CFAP47: variants seen among roughly 807,000 people sequenced by gnomAD.
The protein encoded by CFAP47 is cilia- and flagella-associated protein 47.
A neutral mutation model predicts 148.1 loss-of-function variants in CFAP47; 29 were observed. The observed-to-expected ratio is 0.20, with a 90% CI of 0.15 to 0.27. The LOEUF is 0.27. Among genes scored for constraint, CFAP47 ranks in the 10% least tolerant of loss-of-function variants. The pLI, the probability that CFAP47 is intolerant of heterozygous loss-of-function variation, is 1.00. For missense variants in CFAP47, 1,872 were observed against 1,697.5 expected, an observed-to-expected ratio of 1.10 and a Z score of -1.81; for synonymous variants, 664 against 577.3, an observed-to-expected ratio of 1.15 and a Z score of -2.15.
At chrX:36,261,964 C>A (rs1940832901) in intron 49 of CFAP47, among the ~76,000 whole-genome samples, 1 of 109,765 alleles carries the variant, frequency 9.1e-6, no homozygotes, top group African/African-American at 3.3e-5. Context: ...TGACCCCCCA[C>A]CTCCCTCCCG....
intron 26 of CFAP47, among the ~76,000 whole-genome samples, chrX:36,054,781 CT>C (rs1016051222): frequency 2.8e-5 from 3 of 108,883 alleles, no homozygotes; most frequent in Admixed American, 9.8e-5. Flanking sequence ...TATTTTTTCT[CT>C]TTTTTTTTGA....
At chrX:36,361,823 A>G (rs1192489924) in intron 61 of CFAP47, among the ~76,000 whole-genome samples, 2 of 112,434 alleles carry the variant, frequency 1.8e-5, no homozygotes, top group East Asian at 5.6e-4. Flanking sequence ...CAATAGCAAC[A>G]TGATATTTCT....
At chrX:36,349,841 T>C (rs1351320016) in intron 58 of CFAP47, among the ~76,000 whole-genome samples, 197 bp from the exon 59 acceptor site, 2 of 111,986 alleles carry the variant, frequency 1.8e-5, no homozygotes, top group African/African-American at 6.5e-5. Context: ...TGCTTTGTGA[T>C]GATTTTCCAG....
intron 48 of CFAP47, among the ~76,000 whole-genome samples, chrX:36,241,106 A>C (rs1158550817): frequency 9.0e-6 from 1 of 111,431 alleles, no homozygotes; most frequent in Non-Finnish European, 1.9e-5. Flanking sequence ...CCTGGCCCCA[A>C]ACAACTTCTG....
chrX:36,330,364 C>G (rs4606222), intron 57 of CFAP47, among the ~76,000 whole-genome samples: 6,564 of 111,606 alleles, frequency 0.059, 165 homozygotes, highest in Middle Eastern at 0.13. Flanking sequence ...AAGGACTGCT[C>G]TATATATTTA....
At chrX:36,371,221 G>GT (rs1346097091) in intron 62 of CFAP47, among the ~76,000 whole-genome samples, 1 of 110,614 alleles carries the variant, frequency 9.0e-6, no homozygotes, top group Non-Finnish European at 1.9e-5. Flanking sequence ...TTTAAAAATT[G>GT]TTTTTATATA....
chrX:36,013,721 A>G (rs189310606), intron 21 of CFAP47, among the ~76,000 whole-genome samples: 2 of 112,229 alleles, frequency 1.8e-5, no homozygotes, highest in East Asian at 2.8e-4. Flanking sequence ...AGAATGTCAT[A>G]TAAGTGAAAT....
chrX:35,989,668 C>T (rs1399242329), intron 16 of CFAP47: 6 of 880,700 alleles, frequency 6.8e-6, no homozygotes, highest in Non-Finnish European at 9.1e-6. Flanking sequence ...AAAGTATTTT[C>T]AGAGAATATA....
chrX:36,173,734 T>G lies in CFAP47; in HGVS notation c.6027-5611T>G, dbSNP rs748906635. Among the ~76,000 whole-genome samples the G allele has an allele frequency of 3.6e-5, 4 of 111,843 alleles. No homozygotes were observed. In the South Asian group the frequency reaches 1.5e-3, roughly 42 times the overall value. On this transcript the variant is annotated intron_variant, in intron 39 of 63. Coordinates refer to ENST00000378653, the MANE Select transcript of CFAP47 (RefSeq NM_001304548.2). ...TTTACTTCCAAGTATGTCGTCAATT[T>G]TGGAATAGGTGTTGGGTGGTGCTGA...
At chrX:36,067,915 T>C (rs1261663114) in intron 27 of CFAP47, among the ~76,000 whole-genome samples, 1 of 111,158 alleles carries the variant, frequency 9.0e-6, no homozygotes, top group Non-Finnish European at 1.9e-5. Context: ...CCTCCCAAAG[T>C]GCTGGGATTA....
chrX:36,175,885 GC>G (rs1569280884), intron 39 of CFAP47, among the ~76,000 whole-genome samples: 1 of 109,440 alleles, frequency 9.1e-6, no homozygotes, highest in Non-Finnish European at 1.9e-5. Context: ...AATGGCGGGC[GC>G]CCCTCCCCCA....
intron 57 of CFAP47, among the ~76,000 whole-genome samples, chrX:36,338,777 C>G (rs984882219): frequency 8.9e-6 from 1 of 111,851 alleles, no homozygotes; most frequent in Non-Finnish European, 1.9e-5. Flanking sequence ...AATCCAGACT[C>G]ATATGTCCAC....
chrX:36,278,829 C>T (rs1941046707), intron 49 of CFAP47, among the ~76,000 whole-genome samples: 1 of 112,080 alleles, frequency 8.9e-6, no homozygotes, highest in Non-Finnish European at 1.9e-5. Context: ...GTATATTTCA[C>T]ACAGCACATC....
At chrX:36,231,661 T>A (rs1373442957) in intron 46 of CFAP47, among the ~76,000 whole-genome samples, 9 of 110,522 alleles carry the variant, frequency 8.1e-5, no homozygotes, top group African/African-American at 1.3e-4. Flanking sequence ...TGAATAGGAG[T>A]GGTGAGAGAG....
intron 8 of CFAP47, among the ~76,000 whole-genome samples, chrX:35,966,179 A>G (rs749852613): frequency 6.7e-5 from 7 of 104,888 alleles, no homozygotes; most frequent in African/African-American, 2.0e-4. Context: ...TAATTTCATT[A>G]CTTAAAGTTA....
intron 7 of CFAP47, among the ~76,000 whole-genome samples, chrX:35,955,163 G>T (rs1208171043): frequency 9.0e-6 from 1 of 111,727 alleles, no homozygotes. Flanking sequence ...ATTTCCATAA[G>T]AATATCTACT....
chrX:36,355,080 T>C (rs1184015507), intron 60 of CFAP47, among the ~76,000 whole-genome samples: 5 of 110,930 alleles, frequency 4.5e-5, no homozygotes, highest in African/African-American at 1.6e-4. Flanking sequence ...AATAGACATT[T>C]CTCTAGAAAA....
chrX:35,959,158 A>G (rs1936286566), intron 8 of CFAP47, among the ~76,000 whole-genome samples: 1 of 112,271 alleles, frequency 8.9e-6, no homozygotes, highest in Non-Finnish European at 1.9e-5. Context: ...TGTCAACAAG[A>G]TTTTTGGTAA....
chrX:36,334,558 C>T (rs1556014557), intron 57 of CFAP47, among the ~76,000 whole-genome samples: 1 of 110,316 alleles, frequency 9.1e-6, no homozygotes, highest in African/African-American at 3.4e-5. Context: ...TATTAAAGCT[C>T]CTAAAAATTG....
Sources: gnomAD v4.1 joint callset for allele counts (sites outside exome capture counted in the v4.1 genomes callset) on GRCh38, gnomAD v4.1.1 for gene constraint, MANE v1.5 for transcripts, NCBI Gene and HGNC (gene_info 2026-07-23, HGNC 2026-07-21) for gene names.